ARHGAP12: variants seen among roughly 807,000 people sequenced by gnomAD.
ARHGAP12 encodes Rho GTPase activating protein 12.
ARHGAP12 carries 64 observed loss-of-function variants against 108.6 expected under a neutral mutation model. That is an observed-to-expected ratio of 0.59 (90% CI 0.48 to 0.73). The LOEUF (loss-of-function observed/expected upper bound fraction) is 0.73, where lower values mean the gene tolerates loss of function less well. ARHGAP12 is among the 30% of genes least tolerant of loss of function. The probability of loss-of-function intolerance (pLI) is 0.00; values close to 1 mark genes in which losing one functional copy is unlikely to be tolerated. For missense variants in ARHGAP12, 940 were observed against 1,005.9 expected, an observed-to-expected ratio of 0.93 and a Z score of 0.89; for synonymous variants, 312 against 337.2, an observed-to-expected ratio of 0.93 and a Z score of 0.82.
Position 31,817,816 on chromosome 10 carries a change from T to G in ARHGAP12, c.1703A>C (p.Lys568Thr), listed in dbSNP as rs770379801. 2.5e-6 allele frequency: 4 copies of G among 1,611,952 alleles called. No individual in the cohort carries two copies. The highest frequency in any genetic ancestry group is 3.4e-6 in the Non-Finnish European group (4 of 1,179,112). ...DNDTVINDWF[K>T]VLSSTINNQA... is the part of the protein sequence containing the mutation. ...ATTATTGATTGTACTACTAAGAACT[T>G]TAAACCAATCATTAATAACAGTGTC... The change falls in exon 13 of 20, where the codon AAA (lysine) becomes ACA (threonine). Residue 568 changes from lysine (K) to threonine (T), a missense_variant. Coordinates refer to ENST00000344936, the MANE Select transcript of ARHGAP12 (RefSeq NM_018287.7).
chr10:31,891,146 A>C (rs1276895018), intron 3 of ARHGAP12, among the ~76,000 whole-genome samples: 2 of 152,200 alleles, frequency 1.3e-5, no homozygotes, highest in African/African-American at 2.4e-5. Context: ...TAGCACCTTG[A>C]AATGTTGGTT....
At chr10:31,893,894 C>A (rs1351022400) in intron 3 of ARHGAP12, among the ~76,000 whole-genome samples, 2 of 152,176 alleles carry the variant, frequency 1.3e-5, no homozygotes, top group African/African-American at 4.8e-5. Flanking sequence ...AAAAGCTTAT[C>A]CACTACGATC....
chr10:31,835,185 G>A (rs1024437320), intron 9 of ARHGAP12, among the ~76,000 whole-genome samples: 8 of 148,102 alleles, frequency 5.4e-5, no homozygotes, highest in Admixed American at 2.7e-4. Flanking sequence ...GCGACAGAGC[G>A]AGACTCCGTC....
chr10:31,833,827 G>T (rs539509951), intron 9 of ARHGAP12, among the ~76,000 whole-genome samples: 48 of 152,302 alleles, frequency 3.2e-4, no homozygotes, highest in African/African-American at 1.1e-3. Context: ...AGGCACAGGG[G>T]CTAAAGACAG....
chr10:31,820,273 C>A (rs778792956), intron 12 of ARHGAP12, 114 bp downstream of exon 12: 4 of 706,638 alleles, frequency 5.7e-6, no homozygotes, highest in Non-Finnish European at 8.6e-6. Flanking sequence ...AACTTAATCA[C>A]CAACTTTGCC....
chr10:31,843,365 G>T (rs1239787575), intron 7 of ARHGAP12, 96 bp downstream of exon 7: 17 of 1,292,250 alleles, frequency 1.3e-5, no homozygotes, highest in Non-Finnish European at 1.7e-5. Flanking sequence ...TTTTAGCAAA[G>T]AATATTTACT....
chr10:31,837,583 A>G (rs1367413862), intron 9 of ARHGAP12, among the ~76,000 whole-genome samples: 1 of 152,166 alleles, frequency 6.6e-6, no homozygotes, highest in African/African-American at 2.4e-5. Flanking sequence ...TGATGGAGGT[A>G]TAGGATTTAA....
chr10:31,809,212 C>T lies in ARHGAP12; in HGVS notation c.2128+18G>A. ...TATGAGTGATGCATCTGAATAACAA[C>T]AGTAAATATAATCTTACCATGATTG... On this transcript the variant is annotated intron_variant, in intron 17 of 19. Transcript: ENST00000344936. The T allele has an allele frequency of 6.2e-7, 1 of 1,613,620 alleles. No homozygotes were observed. The highest frequency in any genetic ancestry group is 2.2e-5 in the East Asian group (1 of 44,852).
chr10:31,856,108 T>C (rs960949915), intron 4 of ARHGAP12, among the ~76,000 whole-genome samples: 3 of 152,138 alleles, frequency 2.0e-5, no homozygotes, highest in Non-Finnish European at 2.9e-5. Context: ...GCTCCATTTA[T>C]AGAAGAATGG....
At chr10:31,813,278 A>G (rs1389779233) in intron 14 of ARHGAP12, among the ~76,000 whole-genome samples, 1 of 152,190 alleles carries the variant, frequency 6.6e-6, no homozygotes, top group Non-Finnish European at 1.5e-5. Flanking sequence ...ATATAGAGAT[A>G]TAAATATAGA....
chr10:31,811,542 C>CTTT (rs34453459), intron 15 of ARHGAP12, among the ~76,000 whole-genome samples: 1 of 136,002 alleles, frequency 7.4e-6, no homozygotes, highest in Non-Finnish European at 1.6e-5. Context: ...ATTTGCCAGG[C>CTTT]TTTTTTTTTT....
At chr10:31,848,914 T>C (rs1219798448) in intron 6 of ARHGAP12, among the ~76,000 whole-genome samples, 1 of 152,026 alleles carries the variant, frequency 6.6e-6, no homozygotes, top group Non-Finnish European at 1.5e-5. Flanking sequence ...CTACTAAAAA[T>C]ACAAAAATTA....
At chr10:31,825,826 A>G (rs1039048439) in intron 11 of ARHGAP12, among the ~76,000 whole-genome samples, 1 of 152,190 alleles carries the variant, frequency 6.6e-6, no homozygotes, top group Admixed American at 6.5e-5. Context: ...AAAATCCCAC[A>G]AGTAATGTGA....
At position 31,908,832 on chromosome 10, in the gene ARHGAP12, C is replaced by T. The variant is rs140446285; in HGVS notation, c.24G>A (p.Gly8=). 7,298 of 1,596,074 alleles carry T rather than the reference C, an allele frequency of 4.6e-3. 28 individuals are homozygous for T. Among genetic ancestry groups the T allele is most frequent in the Admixed American group, 5.3e-3 (311 of 59,132 alleles). The change falls in exon 3 of 20, where the codon GGG becomes GGA. Residue 8 remains glycine, a synonymous_variant. Transcript: ENST00000344936. ...TATACACTTGTCCTGGAATAATCTT[C>T]CCACTTCTGTCAGCCATTTTCATTC... MKMADRS[G]KIIPGQVYIE...
intron 13 of ARHGAP12, among the ~76,000 whole-genome samples, chr10:31,814,993 G>A (rs1259699559): frequency 2.0e-5 from 3 of 151,482 alleles, no homozygotes; most frequent in Non-Finnish European, 4.4e-5. Flanking sequence ...GGTGGCACAC[G>A]CCTGTAGTCC....
At chr10:31,871,122 C>G (rs1251959506) in intron 3 of ARHGAP12, among the ~76,000 whole-genome samples, 1 of 152,116 alleles carries the variant, frequency 6.6e-6, no homozygotes, top group Non-Finnish European at 1.5e-5. Flanking sequence ...AGTTTCACAA[C>G]AGATGTTTAA....
intron 1 of ARHGAP12, among the ~76,000 whole-genome samples, chr10:31,925,792 G>C (rs1008172994): frequency 6.6e-6 from 1 of 152,158 alleles, no homozygotes; most frequent in African/African-American, 2.4e-5. Flanking sequence ...GCAGTCACTA[G>C]TCAAATGTGC....
rs568074184 is a variant in ARHGAP12 at position 31,890,391 on chromosome 10, T to C, written c.684+17781A>G. Among the ~76,000 whole-genome samples the C allele has an allele frequency of 2.6e-5, 4 of 152,320 alleles. No homozygotes were observed. The South Asian group carries it at 8.3e-4, about 32-fold the overall frequency. ...TTACCAAAAAATATTACGTTATAAA[T>C]ACTGAGGATTAGGTTTTCTAATTCA... On this transcript the variant is annotated intron_variant, in intron 3 of 19. Transcript: ENST00000344936.
chr10:31,823,849 T>G (rs900475271), intron 11 of ARHGAP12, among the ~76,000 whole-genome samples: 1 of 152,184 alleles, frequency 6.6e-6, no homozygotes, highest in Non-Finnish European at 1.5e-5. Context: ...GTTTTTTGGC[T>G]TACATTTTAG....
Sources: gnomAD v4.1 joint callset for allele counts (sites outside exome capture counted in the v4.1 genomes callset) on GRCh38, gnomAD v4.1.1 for gene constraint, MANE v1.5 for transcripts, NCBI Gene and HGNC (gene_info 2026-07-23, HGNC 2026-07-21) for gene names.